RASA2: variants seen among roughly 807,000 people sequenced by gnomAD.
RASA2 encodes ras GTPase-activating protein 2.
A neutral mutation model predicts 118.2 loss-of-function variants in RASA2; 155 were observed. The ratio of observed to expected loss-of-function variants is 1.31; its 90% CI spans 1.15 to 1.50. RASA2 has a LOEUF of 1.50. RASA2 is among the 40% of genes most tolerant of loss of function. The probability of loss-of-function intolerance (pLI) is 0.00; values close to 1 mark genes in which losing one functional copy is unlikely to be tolerated. For missense variants in RASA2, 1,016 were observed against 1,009.6 expected, an observed-to-expected ratio of 1.01 and a Z score of -0.09; for synonymous variants, 353 against 349.1, an observed-to-expected ratio of 1.01 and a Z score of -0.12.
In RASA2 at chr3:141,559,921, A is replaced by G. The variant is rs2082705469; in HGVS notation, c.789A>G (p.Leu263=). 6.2e-7 allele frequency: 1 copy of G among 1,613,300 alleles called. No individual in the cohort carries two copies. The highest frequency in any genetic ancestry group is 1.3e-5 in the African/African-American group (1 of 75,030). ...TCGACTTGTGGAACAATGGAAACCT[A>G]GTCCAAGATGTTTTCCTAGGTGAGA... ...IRIDLWNNGN[L]VQDVFLGEIK... is the part of the protein sequence containing the mutation. Residue 263 remains leucine (L), a synonymous_variant, in exon 9 of 24, where the codon CTA becomes CTG. Coordinates refer to ENST00000286364, the MANE Select transcript of RASA2 (RefSeq NM_006506.5).
chr3:141,547,832 G>A (rs2082509135), intron 5 of RASA2, among the ~76,000 whole-genome samples: 1 of 152,086 alleles, frequency 6.6e-6, no homozygotes. Context: ...GTACTATATG[G>A]CTTTTATTGT....
At chr3:141,521,370 A>G (rs2082108876) in intron 3 of RASA2, among the ~76,000 whole-genome samples, 1 of 152,194 alleles carries the variant, frequency 6.6e-6, no homozygotes, top group Admixed American at 6.5e-5. Context: ...CAGCAACTAG[A>G]GAAAGGTGGA....
intron 19 of RASA2, among the ~76,000 whole-genome samples, chr3:141,600,948 GAA>G (rs112442830): frequency 1.6e-4 from 25 of 152,314 alleles, no homozygotes; most frequent in African/African-American, 3.8e-4. Flanking sequence ...GGATAAGAGA[GAA>G]AGAGATCAAT....
At chr3:141,508,981 C>A (rs141752993) in intron 1 of RASA2, among the ~76,000 whole-genome samples, 113 of 152,202 alleles carry the variant, frequency 7.4e-4, no homozygotes, top group African/African-American at 2.6e-3. Context: ...TTAACATATT[C>A]TCTTTATGCT....
At chr3:141,489,107 G>C (rs1376705662) in intron 1 of RASA2, among the ~76,000 whole-genome samples, 3 of 152,184 alleles carry the variant, frequency 2.0e-5, no homozygotes, top group Non-Finnish European at 2.9e-5. Flanking sequence ...TGATCATCCA[G>C]CTGCTGGGAA....
chr3:141,545,536 C>T (rs2151106778), intron 5 of RASA2, among the ~76,000 whole-genome samples: 1 of 149,914 alleles, frequency 6.7e-6, no homozygotes, highest in Non-Finnish European at 1.5e-5. Context: ...ACGACCTCCA[C>T]CTCCTGGGTT....
In RASA2 at chr3:141,560,035, C is replaced by A. The variant is rs2291601; in HGVS notation, c.863+40C>A. The A allele has an allele frequency of 3.1e-3, 4,545 of 1,477,804 alleles. 60 individuals are homozygous for A. Among genetic ancestry groups the A allele is most frequent in the African/African-American group, 0.026 (1,843 of 71,718 alleles). 91.5% of individuals were successfully genotyped at this position (1,477,804 alleles called of 1,614,324 possible). A position where few individuals can be genotyped will look rare whatever the true frequency, so the allele number is the denominator to read the frequency against. On this transcript the variant is annotated intron_variant, in intron 9 of 23. Coordinates refer to ENST00000286364, the MANE Select transcript of RASA2 (RefSeq NM_006506.5). ...TTTTAGTGAACTCCATAGTTTAATT[C>A]TCTTTAGTACAGTATATATATGCAA...
intron 1 of RASA2, among the ~76,000 whole-genome samples, chr3:141,506,480 G>A (rs1251165472): frequency 2.6e-5 from 4 of 152,166 alleles, no homozygotes; most frequent in Non-Finnish European, 4.4e-5. Context: ...TGGCTTGCTT[G>A]TGTCATATCT....
intron 3 of RASA2, among the ~76,000 whole-genome samples, chr3:141,522,753 T>G (rs1010214246): frequency 6.6e-6 from 1 of 152,186 alleles, no homozygotes; most frequent in Admixed American, 6.5e-5. Context: ...CCCCGTACAC[T>G]TCACGCTCAA....
rs112947735 is a variant in RASA2 at position 141,549,484 on chromosome 3, C to CGTGTGCGTGTGT, written c.528-4368_528-4367insCGTGTGTGTGTG. Among the ~76,000 whole-genome samples the CGTGTGCGTGTGT allele has an allele frequency of 6.2e-5, 9 of 145,212 alleles. No homozygotes were observed. In the East Asian group the frequency reaches 8.1e-4, roughly 13 times the overall value. ...AGGAGTGTGTATGAGTGTGTGTGTGCGTGTGTGTGTGTGTGTGTGTGTGTG... is the reference window on the plus strand; with the variant it reads ...AGGAGTGTGTATGAGTGTGTGTGTGCGTGTGCGTGTGTGTGTGTGTGTGTGTGTGTGTGTGTG... On this transcript the variant is annotated intron_variant, in intron 5 of 23. Coordinates refer to ENST00000286364, the MANE Select transcript of RASA2 (RefSeq NM_006506.5).
chr3:141,491,495 G>T (rs2081639228), intron 1 of RASA2, among the ~76,000 whole-genome samples: 1 of 152,146 alleles, frequency 6.6e-6, no homozygotes, highest in African/African-American at 2.4e-5. Flanking sequence ...CCCAGTGTCA[G>T]CACAATGCCT....
Position 141,488,958 on chromosome 3 carries a change from T to C in RASA2, c.133+1742T>C, listed in dbSNP as rs147611051. On this transcript the variant is annotated intron_variant, in intron 1 of 23. Coordinates refer to ENST00000286364, the MANE Select transcript of RASA2 (RefSeq NM_006506.5). ...GTTAGGGTTTCCAGAAGGACTTAGTTGTCCTGTGCTTTTGTCTGCCCCATG... is the reference window on the plus strand; with the variant it reads ...GTTAGGGTTTCCAGAAGGACTTAGTCGTCCTGTGCTTTTGTCTGCCCCATG... 1.4e-3 allele frequency among the ~76,000 whole-genome samples: 215 copies of C among 152,322 alleles called. 6 individuals are homozygous for C. The East Asian group carries it at 0.024, about 17-fold the overall frequency.
At chr3:141,492,802 A>T (rs1265830902) in intron 1 of RASA2, among the ~76,000 whole-genome samples, 1 of 152,070 alleles carries the variant, frequency 6.6e-6, no homozygotes, top group Non-Finnish European at 1.5e-5. Flanking sequence ...TGAATTCTAA[A>T]TTTTTTTTCT....
At chr3:141,573,626 G>T (rs1477258520) in intron 13 of RASA2, among the ~76,000 whole-genome samples, 1 of 152,182 alleles carries the variant, frequency 6.6e-6, no homozygotes, top group African/African-American at 2.4e-5. Context: ...GGATAATAGT[G>T]TCACAATGTC....
rs184189934 is a variant in RASA2, at chr3:141,505,973, G to C, written c.134-6190G>C. Among the ~76,000 whole-genome samples the C allele has an allele frequency of 2.4e-3, 359 of 152,326 alleles. 3 individuals carry two copies. The highest frequency in any genetic ancestry group is 8.1e-3 in the African/African-American group (337 of 41,572). On this transcript the variant is annotated intron_variant, in intron 1 of 23. Transcript: ENST00000286364. ...CAAAATCATGGATGTATAGTGGGAAGATGTTCTTGGCATACTTGCAGTACA... is the reference window on the plus strand; with the variant it reads ...CAAAATCATGGATGTATAGTGGGAACATGTTCTTGGCATACTTGCAGTACA...
intron 9 of RASA2, among the ~76,000 whole-genome samples, chr3:141,569,806 C>A (rs1474379360): frequency 6.6e-6 from 1 of 151,962 alleles, no homozygotes; most frequent in Admixed American, 6.6e-5. Context: ...TTTTGGAACC[C>A]CCAGTGTCTA....
intron 4 of RASA2, among the ~76,000 whole-genome samples, chr3:141,539,664 A>G (rs948786922): frequency 2.0e-5 from 3 of 152,204 alleles, no homozygotes; most frequent in Non-Finnish European, 2.9e-5. Flanking sequence ...TGTCAGCTGG[A>G]GGGAGGTAAT....
chr3:141,598,015 A>AT (rs1370344487), intron 19 of RASA2, among the ~76,000 whole-genome samples: 6 of 152,190 alleles, frequency 3.9e-5, no homozygotes, highest in African/African-American at 1.4e-4. Flanking sequence ...GCAAGAAAAA[A>AT]GTAGAATATC....
At chr3:141,550,401 T>G (rs564468729) in intron 5 of RASA2, among the ~76,000 whole-genome samples, 107 of 152,286 alleles carry the variant, frequency 7.0e-4, no homozygotes, top group African/African-American at 2.5e-3. Flanking sequence ...GAAGGAAAAC[T>G]AATGAACTGT....
Sources: gnomAD v4.1 joint callset for allele counts (sites outside exome capture counted in the v4.1 genomes callset) on GRCh38, gnomAD v4.1.1 for gene constraint, MANE v1.5 for transcripts, NCBI Gene and HGNC (gene_info 2026-07-23, HGNC 2026-07-21) for gene names.